Variants in SYN3 observed in about 807,000 individuals in gnomAD.
SYN3 encodes the protein synapsin-3.
Under a neutral mutation model 65.8 loss-of-function variants are expected in SYN3, and 35 were observed. That is an observed-to-expected ratio of 0.53 (90% confidence interval 0.41 to 0.70). The LOEUF (loss-of-function observed/expected upper bound fraction) is 0.70, where lower values mean the gene tolerates loss of function less well. Among genes scored for constraint, SYN3 ranks in the 30% least tolerant of loss-of-function variants. The pLI is 0.00. For synonymous variants in SYN3, 270 were observed against 292.9 expected (o/e 0.92, Z 0.80); for missense variants, 680 against 749.0 (o/e 0.91, Z 1.08).
chr22:32,522,272 T>G (rs1004181921), intron 12 of SYN3, among the ~76,000 whole-genome samples: 1 of 152,232 alleles, frequency 6.6e-6, no homozygotes, highest in Non-Finnish European at 1.5e-5. Flanking sequence ...GGCATTTTCT[T>G]TAATTACCTT....
At chr22:32,883,728 T>C (rs1208178240) in intron 4 of SYN3, among the ~76,000 whole-genome samples, 1 of 152,254 alleles carries the variant, frequency 6.6e-6, no homozygotes, top group Non-Finnish European at 1.5e-5. Flanking sequence ...GATATCTCCA[T>C]TCAGTGCACA....
chr22:33,029,576 T>A (rs1436717367), intron 1 of SYN3, among the ~76,000 whole-genome samples: 1 of 152,128 alleles, frequency 6.6e-6, no homozygotes, highest in African/African-American at 2.4e-5. Context: ...ACTCATGCCA[T>A]CCTCCCTCCA....
intron 1 of SYN3, among the ~76,000 whole-genome samples, chr22:33,045,770 T>C (rs1271707847): frequency 3.9e-5 from 6 of 151,984 alleles, no homozygotes; most frequent in Non-Finnish European, 8.8e-5. Context: ...TAACCACTTC[T>C]CACTTCTTTC....
At chr22:32,765,586 C>G (rs9621551) in intron 6 of SYN3, among the ~76,000 whole-genome samples, 2 of 152,124 alleles carry the variant, frequency 1.3e-5, no homozygotes, top group East Asian at 3.9e-4. Flanking sequence ...GGAGGAGGGT[C>G]GCATAGCAAG....
At chr22:32,824,103 C>G (rs750147200) in intron 6 of SYN3, among the ~76,000 whole-genome samples, 34 of 151,824 alleles carry the variant, frequency 2.2e-4, no homozygotes, top group Non-Finnish European at 4.1e-4. Flanking sequence ...ACGGTGAAAC[C>G]CCATCTCTAC....
intron 2 of SYN3, among the ~76,000 whole-genome samples, chr22:32,987,175 C>T (rs764943810): frequency 5.9e-5 from 9 of 151,980 alleles, no homozygotes; most frequent in South Asian, 2.1e-4. Context: ...GCTGTCTCTC[C>T]GCAGGCCACC....
chr22:32,556,956 G>A (rs940712479), intron 7 of SYN3, among the ~76,000 whole-genome samples: 1 of 151,594 alleles, frequency 6.6e-6, no homozygotes, highest in Non-Finnish European at 1.5e-5. Context: ...ACTGCACCCA[G>A]CCTAGTCAAT....
At chr22:32,663,046 T>C (rs1042582931) in intron 6 of SYN3, among the ~76,000 whole-genome samples, 16 of 152,204 alleles carry the variant, frequency 1.1e-4, no homozygotes, top group Admixed American at 5.9e-4. Flanking sequence ...TTCACTTTTC[T>C]TTTAGTCCTT....
chr22:32,578,945 A>C (rs1033471126), intron 7 of SYN3, among the ~76,000 whole-genome samples: 2 of 152,218 alleles, frequency 1.3e-5, no homozygotes, highest in Admixed American at 1.3e-4. Context: ...CCATGTTATA[A>C]TAAAACTTTA....
rs138334574 is a variant in SYN3, at chr22:32,725,065, C to T, written c.712-128329G>A. On this transcript the variant is annotated intron_variant, in intron 6 of 13. Transcript: ENST00000358763. ...CTAGAAGGTGGAGGTTCCAGTGAGC[C>T]GAGATCGCGCCATTGCACTCCAGCC... Among the ~76,000 whole-genome samples, 861 of 152,242 alleles carry T rather than the reference C, an allele frequency of 5.7e-3. 7 individuals carry two copies. The highest frequency in any genetic ancestry group is 0.02 in the African/African-American group (836 of 41,538).
At chr22:32,849,647 C>T (rs2048164062) in intron 6 of SYN3, 4 of 899,554 alleles carry the variant, frequency 4.4e-6, no homozygotes, top group East Asian at 5.3e-5. Flanking sequence ...AAGCACCAGC[C>T]AGACCCAGCC....
rs140018353 is a variant in SYN3, at chr22:32,774,363, C to T, written c.711+90552G>A. Among the ~76,000 whole-genome samples the T allele has an allele frequency of 3.6e-3, 555 of 152,124 alleles. 3 individuals carry two copies. The highest frequency in any genetic ancestry group is 0.013 in the African/African-American group (519 of 41,494). ...TTGGACACAGACACACAGAGAATGCCGTGTGATGATGGAGGTAGAGGTTAA... is the reference window on the plus strand; with the variant it reads ...TTGGACACAGACACACAGAGAATGCTGTGTGATGATGGAGGTAGAGGTTAA... On this transcript the variant is annotated intron_variant, in intron 6 of 13. Transcript: ENST00000358763.
intron 1 of SYN3, among the ~76,000 whole-genome samples, chr22:33,024,360 T>A (rs148807050): frequency 1.2e-3 from 176 of 152,330 alleles, no homozygotes; most frequent in African/African-American, 4.1e-3. Flanking sequence ...ATTCCCAGGC[T>A]TCCTCTCCAG....
At chr22:32,596,282 G>T (rs143123183) in intron 7 of SYN3, among the ~76,000 whole-genome samples, 1 of 152,254 alleles carries the variant, frequency 6.6e-6, no homozygotes, top group Non-Finnish European at 1.5e-5. Context: ...TATTTCTTTA[G>T]AGCAGCGTGA....
intron 2 of SYN3, among the ~76,000 whole-genome samples, chr22:33,001,896 C>A (rs1386493171): frequency 6.6e-6 from 1 of 152,154 alleles, no homozygotes; most frequent in Non-Finnish European, 1.5e-5. Flanking sequence ...TTAAGTTCAA[C>A]CTCCATGCAA....
At chr22:32,521,823 A>G (rs1017449323) in intron 12 of SYN3, among the ~76,000 whole-genome samples, 2 of 152,116 alleles carry the variant, frequency 1.3e-5, no homozygotes, top group Non-Finnish European at 2.9e-5. Flanking sequence ...TTTGTTTTCT[A>G]CTTTTATCTT....
intron 6 of SYN3, among the ~76,000 whole-genome samples, chr22:32,796,042 A>G (rs548637926): frequency 6.6e-6 from 1 of 152,274 alleles, no homozygotes; most frequent in Admixed American, 6.5e-5. Context: ...TGAGCATGCA[A>G]CCTTCAAAGA....
intron 6 of SYN3, among the ~76,000 whole-genome samples, chr22:32,613,150 C>A (rs573413484): frequency 6.6e-6 from 1 of 151,808 alleles, no homozygotes; most frequent in Non-Finnish European, 1.5e-5. Flanking sequence ...TCCTGTACAG[C>A]CTGTGGAACT....
At chr22:32,532,875 G>A (rs2058100804) in intron 10 of SYN3, among the ~76,000 whole-genome samples, 1 of 152,160 alleles carries the variant, frequency 6.6e-6, no homozygotes, top group East Asian at 1.9e-4. Flanking sequence ...GGGGCTGGAC[G>A]CGGCACTGGA....
Sources: gnomAD v4.1 joint callset for allele counts (sites outside exome capture counted in the v4.1 genomes callset) on GRCh38, gnomAD v4.1.1 for gene constraint, MANE v1.5 for transcripts, NCBI Gene and HGNC (gene_info 2026-07-23, HGNC 2026-07-21) for gene names.